Variants in HIVEP3 observed in about 807,000 individuals in gnomAD.
HIVEP3 encodes the protein transcription factor HIVEP3.
In HIVEP3, 49 loss-of-function variants were observed where a neutral mutation model predicts 152.8. The ratio of observed to expected loss-of-function variants is 0.32; its 90% CI spans 0.26 to 0.41. The LOEUF (loss-of-function observed/expected upper bound fraction) is 0.41, where lower values mean the gene tolerates loss of function less well. HIVEP3 is among the 10% of genes least tolerant of loss of function. The probability of loss-of-function intolerance (pLI) is 1.00; values close to 1 mark genes in which losing one functional copy is unlikely to be tolerated. For missense variants in HIVEP3, 2,790 were observed against 3,103.3 expected, an observed-to-expected ratio of 0.90 and a Z score of 2.40; for synonymous variants, 1,269 against 1,289.0, an observed-to-expected ratio of 0.98 and a Z score of 0.33.
chr1:41,815,050 G>GT (rs1651183479), intron 1 of HIVEP3, among the ~76,000 whole-genome samples: 1 of 152,226 alleles, frequency 6.6e-6, no homozygotes. Flanking sequence ...GATGGTTCAG[G>GT]TAAGAGGTGC....
chr1:41,777,466 A>G (rs1648779156), intron 1 of HIVEP3, among the ~76,000 whole-genome samples: 1 of 152,230 alleles, frequency 6.6e-6, no homozygotes, highest in Non-Finnish European at 1.5e-5. Context: ...ACAGAGGCAC[A>G]GGCCCTCTTT....
intron 2 of HIVEP3, among the ~76,000 whole-genome samples, chr1:41,689,329 C>T (rs1411047516): frequency 1.3e-5 from 2 of 152,152 alleles, no homozygotes; most frequent in South Asian, 4.1e-4. Context: ...GTGCAAACCA[C>T]GAGGGAATAG....
intron 3 of HIVEP3, among the ~76,000 whole-genome samples, chr1:41,595,266 C>T (rs1644648432): frequency 6.6e-6 from 1 of 152,220 alleles, no homozygotes; most frequent in South Asian, 2.1e-4. Context: ...AGAGAAATCT[C>T]TTCAGTTGCC....
At chr1:41,824,816 GA>G (rs1642744375) in intron 1 of HIVEP3, among the ~76,000 whole-genome samples, 2 of 10,754 alleles carry the variant, frequency 1.9e-4, no homozygotes, top group African/African-American at 2.7e-4. Context: ...GAGAGAGAGA[GA>G]GAAAGAGAGA....
chr1:41,926,004 CT>C (rs1343392158), intron 1 of HIVEP3, among the ~76,000 whole-genome samples: 1 of 151,956 alleles, frequency 6.6e-6, no homozygotes, highest in Non-Finnish European at 1.5e-5. Context: ...TTCCTTTTTC[CT>C]TTTGCCATTG....
chr1:41,681,765 T>C (rs777827273), intron 2 of HIVEP3, among the ~76,000 whole-genome samples: 20 of 152,180 alleles, frequency 1.3e-4, no homozygotes, highest in Non-Finnish European at 1.9e-4. Context: ...AGGGAAACCT[T>C]GTGTTCAGCT....
At position 41,582,325 on chromosome 1, in the gene HIVEP3, G is replaced by A. The variant is rs1368310650; in HGVS notation, c.2473C>T (p.Leu825=). 2 of 1,614,198 alleles carry A rather than the reference G, an allele frequency of 1.2e-6. No homozygotes were observed. The highest frequency in any genetic ancestry group is 2.2e-5 in the South Asian group (2 of 91,078). ...PSGLEGEDKP[L]AQFPSPPPAP... ...GGTGGGGGTGATGGGAACTGGGCCA[G>A]AGGTTTGTCTTCCCCTTCCAAGCCA... Residue 825 remains leucine (L), a synonymous_variant, in exon 4 of 9, where the codon CTG becomes TTG. Transcript: ENST00000372583. The surrounding 1 kb of genome is among the most constrained non-coding windows in gnomAD (Gnocchi z 4.7).
At chr1:41,677,332 G>C (rs1013268934) in intron 2 of HIVEP3, among the ~76,000 whole-genome samples, 1 of 152,236 alleles carries the variant, frequency 6.6e-6, no homozygotes, top group Non-Finnish European at 1.5e-5. Context: ...TGTCGTAAGA[G>C]AGAAATACAA....
intron 5 of HIVEP3, among the ~76,000 whole-genome samples, chr1:41,534,450 C>G (rs1387480565): frequency 6.6e-6 from 1 of 152,164 alleles, no homozygotes; most frequent in Admixed American, 6.5e-5. Context: ...CTCCTCCACT[C>G]TACCAGAAAT....
intron 2 of HIVEP3, among the ~76,000 whole-genome samples, chr1:41,668,542 G>A (rs1645829189): frequency 6.6e-6 from 1 of 152,210 alleles, no homozygotes; most frequent in East Asian, 1.9e-4. Flanking sequence ...GCCTGGGCCA[G>A]ACAGCTCACT....
chr1:41,743,310 A>G (rs1223639584), intron 1 of HIVEP3, among the ~76,000 whole-genome samples: 1 of 152,216 alleles, frequency 6.6e-6, no homozygotes, highest in African/African-American at 2.4e-5. Context: ...GACACCCACC[A>G]ACTGTGAGCT....
At chr1:41,709,449 GC>G (rs1226887249) in intron 1 of HIVEP3, among the ~76,000 whole-genome samples, 1 of 152,182 alleles carries the variant, frequency 6.6e-6, no homozygotes, top group Non-Finnish European at 1.5e-5. Context: ...GTGGATCCAA[GC>G]AGGGCCATTC....
At chr1:41,993,239 C>A (rs1645374080) in intron 1 of HIVEP3, among the ~76,000 whole-genome samples, 3 of 151,814 alleles carry the variant, frequency 2.0e-5, no homozygotes, top group African/African-American at 4.8e-5. Context: ...AAAATTTTCG[C>A]AACCGACTCA....
chr1:41,875,847 T>C (rs1013035628), intron 1 of HIVEP3, among the ~76,000 whole-genome samples: 2 of 152,248 alleles, frequency 1.3e-5, no homozygotes, highest in Admixed American at 6.5e-5. Flanking sequence ...ACTGTGCTCA[T>C]TTCTTTCCAA....
intron 1 of HIVEP3, among the ~76,000 whole-genome samples, chr1:41,930,784 T>C (rs923930895): frequency 5.3e-5 from 8 of 152,294 alleles, no homozygotes; most frequent in Admixed American, 2.0e-4. Flanking sequence ...ACACTTAGTG[T>C]TGTCAGGTTT....
At chr1:42,013,195 GCT>G (rs1433540099) in intron 1 of HIVEP3, among the ~76,000 whole-genome samples, 1 of 152,108 alleles carries the variant, frequency 6.6e-6, no homozygotes, top group African/African-American at 2.4e-5. Context: ...TGTATGCATG[GCT>G]CTGTGTCCAA....
At chr1:41,826,387 G>A (rs1642804157) in intron 1 of HIVEP3, among the ~76,000 whole-genome samples, 1 of 152,210 alleles carries the variant, frequency 6.6e-6, no homozygotes, top group South Asian at 2.1e-4. Context: ...GTGCTTGCAT[G>A]GGTGTGAGAT....
intron 5 of HIVEP3, among the ~76,000 whole-genome samples, chr1:41,545,714 CACCACCAAT>C (rs1643779778): frequency 6.9e-6 from 1 of 144,284 alleles, no homozygotes; most frequent in Non-Finnish European, 1.5e-5. Flanking sequence ...CCACCACCAC[CACCACCAAT>C]ACCACTACCA....
In HIVEP3 at chr1:41,644,693, C is replaced by CTTTTTTT. The variant is rs60511656; in HGVS notation, c.-720-15753_-720-15747dup. Among the ~76,000 whole-genome samples the CTTTTTTT allele has an allele frequency of 5.9e-3, 442 of 74,310 alleles. 1 individual carries two copies. The highest frequency in any genetic ancestry group is 7.2e-3 in the Non-Finnish European group (298 of 41,150). The allele number at this position is 74,310 out of a possible 152,430, so 48.8% of individuals were successfully genotyped here. ...TTTAAAGCACACTTGCATATCTGTTCTTTTTTTTTTTTTTTTTTTTTTTTG... is the reference window on the plus strand; with the variant it reads ...TTTAAAGCACACTTGCATATCTGTTCTTTTTTTTTTTTTTTTTTTTTTTTTTTTTTTG... On this transcript the variant is annotated intron_variant, in intron 2 of 8. Transcript: ENST00000372583.
Sources: allele counts gnomAD v4.1 joint callset (sites outside exome capture counted in the v4.1 genomes callset), GRCh38; gene constraint gnomAD v4.1.1; non-coding constraint Gnocchi (gnomAD v3.1); transcripts MANE v1.5; gene names NCBI Gene and HGNC (gene_info 2026-07-23, HGNC 2026-07-21).